The following TMPRSS11F variants were observed in gnomAD, a reference collection of about 807,000 sequenced individuals.
TMPRSS11F encodes transmembrane protease serine 11F.
In TMPRSS11F, 47 loss-of-function variants were observed where a neutral mutation model predicts 60.2. The observed-to-expected ratio is 0.78, with a 90% confidence interval of 0.62 to 1.00. The LOEUF is 1.00. Among genes scored for constraint, TMPRSS11F ranks in the 50% least tolerant of loss-of-function variants. The pLI is 0.00. For synonymous variants in TMPRSS11F, 166 were observed against 167.3 expected (o/e 0.99, Z 0.06); for missense variants, 519 against 522.9 (o/e 0.99, Z 0.07).
Position 68,096,075 on chromosome 4 carries a change from A to C in TMPRSS11F, c.163+2812T>G, listed in dbSNP as rs142719880. 2.4e-3 allele frequency among the ~76,000 whole-genome samples: 366 copies of C among 152,078 alleles called. 5 individuals carry two copies. Among genetic ancestry groups the C allele is most frequent in the African/African-American group, 8.1e-3 (338 of 41,496 alleles). ...ATGTCTATAAGTATTTGAATAGATA[A>C]GTAAATTATGGAATATTTAAGATAA... is the stretch of plus-strand genomic sequence containing the variant. On this transcript the variant is annotated intron_variant, in intron 2 of 9. Coordinates refer to ENST00000356291, the MANE Select transcript of TMPRSS11F (RefSeq NM_207407.2).
chr4:68,087,597 T>C (rs867567039), intron 3 of TMPRSS11F, among the ~76,000 whole-genome samples: 1 of 16,506 alleles, frequency 6.1e-5, no homozygotes, highest in Non-Finnish European at 3.9e-4. Context: ...GATACAATTC[T>C]ATGTATAGAA....
chr4:68,056,651 T>C (rs1723053723), intron 9 of TMPRSS11F, among the ~76,000 whole-genome samples: 1 of 49,790 alleles, frequency 2.0e-5, no homozygotes, highest in African/African-American at 5.4e-5. Flanking sequence ...CTACCAAAAT[T>C]CCAATGCCAT....
intron 1 of TMPRSS11F, among the ~76,000 whole-genome samples, chr4:68,128,160 T>C (rs1302274273): frequency 1.3e-5 from 2 of 152,134 alleles, no homozygotes; most frequent in Non-Finnish European, 2.9e-5. Flanking sequence ...CTAGATCCCT[T>C]GGGCAAAATA....
chr4:68,086,757 A>G (rs1252157438), intron 3 of TMPRSS11F, among the ~76,000 whole-genome samples: 1 of 146,120 alleles, frequency 6.8e-6, no homozygotes, highest in African/African-American at 2.5e-5. Context: ...CTATGCATGT[A>G]AATTAGAAAA....
chr4:68,061,794 G>A (rs1723180954), intron 8 of TMPRSS11F: 3 of 440,666 alleles, frequency 6.8e-6, no homozygotes, highest in Non-Finnish European at 1.4e-5. Flanking sequence ...AGAAAGTTAC[G>A]TAGTTCTACA....
chr4:68,120,374 A>ATG (rs1560412778), intron 1 of TMPRSS11F, among the ~76,000 whole-genome samples: 9 of 122,132 alleles, frequency 7.4e-5, no homozygotes, highest in African/African-American at 2.9e-4. Context: ...CTACAGAGAA[A>ATG]TCTTTTTTTT....
At chr4:68,092,817 TG>T (rs1230286635) in intron 2 of TMPRSS11F, among the ~76,000 whole-genome samples, 6 of 152,110 alleles carry the variant, frequency 3.9e-5, no homozygotes, top group Non-Finnish European at 8.8e-5. Context: ...AGAATTTCCA[TG>T]TTAGGCAAAA....
intron 5 of TMPRSS11F, among the ~76,000 whole-genome samples, chr4:68,070,338 T>C (rs1009158825): frequency 6.6e-6 from 1 of 152,196 alleles, no homozygotes; most frequent in African/African-American, 2.4e-5. Flanking sequence ...TCCAGTATAA[T>C]CTGAGGCAGC....
At chr4:68,096,898 A>C (rs1173412094) in intron 2 of TMPRSS11F, among the ~76,000 whole-genome samples, 1 of 152,220 alleles carries the variant, frequency 6.6e-6, no homozygotes. Context: ...AATATTTTAG[A>C]AATAACTTGT....
chr4:68,091,747 ATCTCTCTCTCTCTCTCTCTCTC>A (rs372346277), intron 2 of TMPRSS11F, among the ~76,000 whole-genome samples: 7 of 71,666 alleles, frequency 9.8e-5, no homozygotes, highest in Non-Finnish European at 1.0e-4. Flanking sequence ...TTAATCTCTA[ATCTCTCTCTCTCTCTCTCTCTC>A]TCTCTCTCTC....
intron 1 of TMPRSS11F, among the ~76,000 whole-genome samples, chr4:68,100,086 G>C (rs377172396): frequency 2.3e-4 from 35 of 151,792 alleles, no homozygotes; most frequent in African/African-American, 8.0e-4. Flanking sequence ...TGGGGCGTTG[G>C]GGGGAAGGGA....
chr4:68,065,961 CA>C (rs2109837765), intron 7 of TMPRSS11F, among the ~76,000 whole-genome samples: 1 of 151,854 alleles, frequency 6.6e-6, no homozygotes, highest in Admixed American at 6.6e-5. Context: ...ACTAAAAATA[CA>C]AAAATTAGCT....
chr4:68,081,259 GTC>G (rs1342195661), intron 3 of TMPRSS11F, among the ~76,000 whole-genome samples: 1 of 152,108 alleles, frequency 6.6e-6, no homozygotes. Context: ...GAATTTTCCA[GTC>G]TTTATTTTGG....
At chr4:68,098,704 G>T (rs1169165666) in intron 2 of TMPRSS11F, among the ~76,000 whole-genome samples, 183 bp downstream of exon 2, 1 of 152,102 alleles carries the variant, frequency 6.6e-6, no homozygotes, top group Non-Finnish European at 1.5e-5. Flanking sequence ...TTATTACAAA[G>T]TTAACTGGGT....
rs945511452 is a variant in TMPRSS11F, at chr4:68,082,100, G to C, written c.283-8091C>G. Among the ~76,000 whole-genome samples the C allele has an allele frequency of 3.3e-5, 5 of 152,206 alleles. No individual in the cohort carries two copies. In the South Asian group the frequency reaches 1.0e-3, roughly 32 times the overall value. The stretch of plus-strand genomic sequence containing the variant: ...TTGATAGAGAGGCAATGCAGACACA[G>C]AGGCTGAAGATGAGGAAGCTGGCAA... On this transcript the variant is annotated intron_variant, in intron 3 of 9. Coordinates refer to ENST00000356291, the MANE Select transcript of TMPRSS11F (RefSeq NM_207407.2).
rs548050420 is a variant in TMPRSS11F at position 68,074,773 on chromosome 4, G to C, written c.283-764C>G. ...TTCATAAAGGGTTCTGATTCCAGCT[G>C]GCTATTGAGGCACTGCCTTTTTGTC... is the stretch of plus-strand genomic sequence containing the variant. On this transcript the variant is annotated intron_variant, in intron 3 of 9. Coordinates refer to ENST00000356291, the MANE Select transcript of TMPRSS11F (RefSeq NM_207407.2). Among the ~76,000 whole-genome samples, 10 of 152,274 alleles carry C rather than the reference G, an allele frequency of 6.6e-5. No homozygotes were observed. In the East Asian group the frequency reaches 1.9e-3, roughly 29 times the overall value.
intron 6 of TMPRSS11F, among the ~76,000 whole-genome samples, chr4:68,069,588 A>G (rs897287125): frequency 6.6e-6 from 1 of 151,974 alleles, no homozygotes; most frequent in Non-Finnish European, 1.5e-5. Flanking sequence ...AAGAGAATGT[A>G]CATAACAGAT....
chr4:68,084,408 A>C (rs1723766825), intron 3 of TMPRSS11F, among the ~76,000 whole-genome samples: 1 of 152,164 alleles, frequency 6.6e-6, no homozygotes, highest in African/African-American at 2.4e-5. Context: ...AAAAATCTTA[A>C]AGTTAGCTAC....
In TMPRSS11F at chr4:68,068,709, C is replaced by T. The variant is rs748716436; in HGVS notation, c.664G>A (p.Ala222Thr). 1 of 1,614,192 alleles carries T rather than the reference C, an allele frequency of 6.2e-7. No homozygotes were observed. The highest frequency in any genetic ancestry group is 8.5e-7 in the Non-Finnish European group (1 of 1,180,026). ...TAMEGEWPWQASLQLIGSGHQ... is the reference protein window; with the variant it reads ...TAMEGEWPWQTSLQLIGSGHQ... ...CCTGACCCTATGAGCTGGAGGCTGG[C>T]CTGCCATGGCCATTCCCCTTCCATA... The change falls in exon 7 of 10, where the codon GCC becomes ACC. Residue 222 changes from alanine to threonine, a missense_variant. Physicochemically the swap from Ala to Thr is moderately conservative, Grantham distance 58 (BLOSUM62 0). Coordinates refer to ENST00000356291, the MANE Select transcript of TMPRSS11F (RefSeq NM_207407.2).
Sources: allele counts gnomAD v4.1 joint callset (sites outside exome capture counted in the v4.1 genomes callset), GRCh38; gene constraint gnomAD v4.1.1; transcripts MANE v1.5; gene names NCBI Gene and HGNC (gene_info 2026-07-23, HGNC 2026-07-21).